SDK1: variants seen among roughly 807,000 people sequenced by gnomAD.
SDK1 encodes the protein protein sidekick-1.
SDK1 carries 157 observed loss-of-function variants against 245.5 expected under a neutral mutation model. The ratio of observed to expected loss-of-function variants is 0.64; its 90% CI spans 0.56 to 0.73. The LOEUF (loss-of-function observed/expected upper bound fraction) is 0.73. Among genes scored for constraint, SDK1 ranks in the 30% least tolerant of loss-of-function variants. The probability of loss-of-function intolerance (pLI) is 0.00; values close to 1 mark genes in which losing one functional copy is unlikely to be tolerated. For missense variants in SDK1, 3,583 were observed against 3,002.3 expected (o/e 1.19, Z -4.52); for synonymous variants, 1,647 against 1,278.5 (o/e 1.29, Z -6.15).
chr7:3,563,963 TAAAAA>T (rs201581209), intron 1 of SDK1, among the ~76,000 whole-genome samples: 1 of 152,036 alleles, frequency 6.6e-6, no homozygotes, highest in Non-Finnish European at 1.5e-5. Flanking sequence ...GCTATTGAAT[TAAAAA>T]AATAAAATTA....
At chr7:3,567,880 T>C (rs112613597) in intron 1 of SDK1, among the ~76,000 whole-genome samples, 3,413 of 152,332 alleles carry the variant, frequency 0.022, 137 homozygotes, top group African/African-American at 0.077. Flanking sequence ...GGTGCGGTCA[T>C]AGCTCATTGC....
At chr7:4,032,395 T>A (rs1787884905) in intron 17 of SDK1, among the ~76,000 whole-genome samples, 2 of 152,222 alleles carry the variant, frequency 1.3e-5, no homozygotes, top group Admixed American at 1.3e-4. Context: ...ATTCCCCATC[T>A]ACTTGACTGG....
intron 1 of SDK1, among the ~76,000 whole-genome samples, chr7:3,556,640 G>A (rs1195018567): frequency 6.6e-6 from 1 of 151,848 alleles, no homozygotes; most frequent in Non-Finnish European, 1.5e-5. Context: ...GGCGAACCTG[G>A]TGAAACCTCG....
Position 4,017,269 on chromosome 7 carries a change from A to G in SDK1, c.2519A>G (p.Gln840Arg), listed in dbSNP as rs778879858. The change falls in exon 17 of 45, where the codon CAG becomes CGG. Residue 840 changes from glutamine (Q) to arginine (R), a missense_variant. Transcript: ENST00000404826. ...CLVTDLIIWT[Q>R]YEIQVAAYNG... ...GTGACAGACCTGATCATCTGGACAC[A>G]GTATGAGATACAGGTGGCGGCGTAC... 9.3e-6 allele frequency: 15 copies of G among 1,614,014 alleles called. No homozygotes were observed. The highest frequency in any genetic ancestry group is 6.7e-5 in the Admixed American group (4 of 60,004).
chr7:3,434,802 T>C (rs1779971538), intron 1 of SDK1, among the ~76,000 whole-genome samples: 1 of 151,646 alleles, frequency 6.6e-6, no homozygotes, highest in Non-Finnish European at 1.5e-5. Context: ...GTAGATAGAA[T>C]CATGGGGGGG....
chr7:3,378,179 C>T (rs1315357130), intron 1 of SDK1, among the ~76,000 whole-genome samples: 1 of 152,202 alleles, frequency 6.6e-6, no homozygotes, highest in Non-Finnish European at 1.5e-5. Context: ...TCTCAGTCAT[C>T]TTTCGGGGGC....
chr7:4,180,314 C>G (rs970417409), intron 35 of SDK1, among the ~76,000 whole-genome samples: 5 of 150,868 alleles, frequency 3.3e-5, no homozygotes, highest in African/African-American at 1.2e-4. Flanking sequence ...GGCTCCAGCT[C>G]TATGCCCAGT....
intron 1 of SDK1, among the ~76,000 whole-genome samples, chr7:3,406,291 C>T (rs1435819982): frequency 2.0e-5 from 3 of 152,182 alleles, no homozygotes; most frequent in Admixed American, 6.5e-5. Context: ...CTTTAAAAAC[C>T]GTCTATCTGT....
At chr7:3,331,970 C>G (rs891509172) in intron 1 of SDK1, among the ~76,000 whole-genome samples, 1 of 152,134 alleles carries the variant, frequency 6.6e-6, no homozygotes, top group African/African-American at 2.4e-5. Flanking sequence ...TACTAAAAAT[C>G]AACTACTTCA....
chr7:4,059,472 A>G (rs1779399909), intron 19 of SDK1, among the ~76,000 whole-genome samples: 1 of 152,228 alleles, frequency 6.6e-6, no homozygotes, highest in South Asian at 2.1e-4. Flanking sequence ...CTACAGGGAG[A>G]GACAGCAATA....
At chr7:3,984,701 T>C (rs1783686328) in intron 13 of SDK1, among the ~76,000 whole-genome samples, 1 of 152,166 alleles carries the variant, frequency 6.6e-6, no homozygotes, top group Non-Finnish European at 1.5e-5. Context: ...CAGAGCTGCC[T>C]GGCTCCTCGA....
At chr7:3,420,238 A>G (rs115843432) in intron 1 of SDK1, among the ~76,000 whole-genome samples, 140 of 152,340 alleles carry the variant, frequency 9.2e-4, no homozygotes, top group African/African-American at 3.2e-3. Context: ...GAACTTTCCC[A>G]TTTATTTTTG....
chr7:3,740,010 A>C (rs1368826373), intron 4 of SDK1, among the ~76,000 whole-genome samples: 1 of 152,206 alleles, frequency 6.6e-6, no homozygotes, highest in Non-Finnish European at 1.5e-5. Flanking sequence ...GTCTCTTGTC[A>C]GTTAGCTAAG....
chr7:4,218,069 C>T (rs1176127196), intron 38 of SDK1, among the ~76,000 whole-genome samples: 2 of 152,190 alleles, frequency 1.3e-5, no homozygotes, highest in African/African-American at 2.4e-5. Flanking sequence ...ATGCCCCATT[C>T]CTCTACAGGA....
At chr7:3,355,034 T>A (rs1780755002) in intron 1 of SDK1, among the ~76,000 whole-genome samples, 1 of 152,224 alleles carries the variant, frequency 6.6e-6, no homozygotes, top group Non-Finnish European at 1.5e-5. Flanking sequence ...TCATTTTCTC[T>A]GATTAAATTG....
At chr7:3,910,420 TC>T (rs1166268687) in intron 5 of SDK1, among the ~76,000 whole-genome samples, 1 of 152,182 alleles carries the variant, frequency 6.6e-6, no homozygotes, top group Non-Finnish European at 1.5e-5. Context: ...GCGGAATATT[TC>T]CTGAAGAGGC....
chr7:4,045,714 G>A (rs550887533), intron 17 of SDK1, among the ~76,000 whole-genome samples: 7 of 152,108 alleles, frequency 4.6e-5, no homozygotes, highest in Non-Finnish European at 8.8e-5. Context: ...AGGGCCTTGG[G>A]CACTCCACAT....
At chr7:3,559,619 C>T (rs1234630312) in intron 1 of SDK1, among the ~76,000 whole-genome samples, 1 of 152,086 alleles carries the variant, frequency 6.6e-6, no homozygotes. Flanking sequence ...CTTTATCTGC[C>T]TGCAGCCCTG....
chr7:3,319,193 A>G (rs1399882129), intron 1 of SDK1, among the ~76,000 whole-genome samples: 1 of 152,168 alleles, frequency 6.6e-6, no homozygotes, highest in Non-Finnish European at 1.5e-5. Flanking sequence ...AACTGGAAGA[A>G]CTGTCTCCCT....
Sources: allele counts gnomAD v4.1 joint callset (sites outside exome capture counted in the v4.1 genomes callset), GRCh38; gene constraint gnomAD v4.1.1; transcripts MANE v1.5; gene names NCBI Gene and HGNC (gene_info 2026-07-23, HGNC 2026-07-21).